Variants in SH3PXD2A observed in about 807,000 individuals in gnomAD.
SH3PXD2A encodes SH3 and PX domains 2A.
Under a neutral mutation model 115.2 loss-of-function variants are expected in SH3PXD2A, and 32 were observed. The observed-to-expected ratio is 0.28, with a 90% confidence interval of 0.21 to 0.37. The LOEUF (loss-of-function observed/expected upper bound fraction) is 0.37. Ranked by LOEUF, SH3PXD2A falls within the 10% of genes least tolerant of loss-of-function variation. SH3PXD2A has a pLI of 1.00. For missense variants in SH3PXD2A, 1,328 were observed against 1,498.7 expected (o/e 0.89, Z 1.88); for synonymous variants, 610 against 629.1 (o/e 0.97, Z 0.45).
intron 5 of SH3PXD2A, among the ~76,000 whole-genome samples, chr10:103,711,118 G>C (rs2038041708): frequency 6.6e-6 from 1 of 152,206 alleles, no homozygotes; most frequent in African/African-American, 2.4e-5. Flanking sequence ...TTACACCTGT[G>C]AGTCCAAGGC....
intron 14 of SH3PXD2A, 115 bp downstream of exon 14, chr10:103,605,682 AC>A: frequency 7.6e-7 from 1 of 1,312,204 alleles, no homozygotes; most frequent in Non-Finnish European, 1.1e-6. Context: ...TCATTTCTGT[AC>A]CTTTCCTGCC....
chr10:103,641,922 C>T (rs543392579), intron 8 of SH3PXD2A, among the ~76,000 whole-genome samples: 2 of 152,312 alleles, frequency 1.3e-5, no homozygotes, highest in African/African-American at 4.8e-5. Context: ...ACACCACACA[C>T]AACCTTTGCT....
rs1232447657 is a variant in SH3PXD2A at position 103,625,638 on chromosome 10, A to T, written c.718+1451T>A. 2.0e-5 allele frequency among the ~76,000 whole-genome samples: 3 copies of T among 152,200 alleles called. No individual in the cohort carries two copies. The East Asian group carries it at 5.8e-4, about 29-fold the overall frequency. On this transcript the variant is annotated intron_variant, in intron 9 of 14. Coordinates refer to ENST00000369774, the MANE Select transcript of SH3PXD2A (RefSeq NM_001394015.1). ...CTGGGCACTGTGGCTCATGCCTGTAATCCCAGCACTTTGGGAGGCTGAGGT... is the reference window on the plus strand; with the variant it reads ...CTGGGCACTGTGGCTCATGCCTGTATTCCCAGCACTTTGGGAGGCTGAGGT...
chr10:103,672,335 G>A (rs1161283604), intron 6 of SH3PXD2A, among the ~76,000 whole-genome samples: 1 of 152,226 alleles, frequency 6.6e-6, no homozygotes, highest in Non-Finnish European at 1.5e-5. Context: ...GTACAGTTAA[G>A]CATTTGGGCC....
rs143941309 is a variant in SH3PXD2A, at chr10:103,603,437, G to A, written c.1781C>T (p.Pro594Leu). ...GCGGGCCCGCTGCAGAGAAGAGGCC[G>A]GCGAGGGCCGGTGGGGCTGGGCAGG... ...RRPAQPHRPS[P>L]ASSLQRARFK... The change falls in exon 15 of 15, where the codon CCG becomes CTG. Residue 594 changes from proline to leucine, a missense_variant. Pro to Leu is a moderately conservative substitution (Grantham distance 98). Transcript: ENST00000369774. 292 of 1,613,450 alleles carry A rather than the reference G, an allele frequency of 1.8e-4. 1 individual carries two copies. The African/African-American group carries it at 3.1e-3, about 17-fold the overall frequency.
intron 9 of SH3PXD2A, among the ~76,000 whole-genome samples, chr10:103,623,018 G>T (rs571546067): frequency 1.7e-3 from 262 of 152,278 alleles, no homozygotes; most frequent in African/African-American, 5.2e-3. Context: ...GTGCTACCTT[G>T]GACAGGCACC....
At chr10:103,690,970 G>A (rs2037742182) in intron 6 of SH3PXD2A, among the ~76,000 whole-genome samples, 1 of 152,228 alleles carries the variant, frequency 6.6e-6, no homozygotes, top group African/African-American at 2.4e-5. Flanking sequence ...TGGCGTGAGA[G>A]TGGAAGACAG....
At chr10:103,694,282 G>A (rs1435602534) in intron 5 of SH3PXD2A, among the ~76,000 whole-genome samples, 1 of 152,000 alleles carries the variant, frequency 6.6e-6, no homozygotes, top group Non-Finnish European at 1.5e-5. Flanking sequence ...GCGGGGTTGG[G>A]GGTTTGGGGG....
chr10:103,777,983 A>G (rs2038896365), intron 2 of SH3PXD2A, among the ~76,000 whole-genome samples: 1 of 152,166 alleles, frequency 6.6e-6, no homozygotes, highest in Non-Finnish European at 1.5e-5. Flanking sequence ...CAGTCTACTC[A>G]TCTGTAAAAT....
At chr10:103,767,417 T>C (rs2038765534) in intron 2 of SH3PXD2A, among the ~76,000 whole-genome samples, 1 of 151,968 alleles carries the variant, frequency 6.6e-6, no homozygotes, top group Non-Finnish European at 1.5e-5. Context: ...CAGGGGAAGG[T>C]GTCAGGAGAT....
Position 103,668,947 on chromosome 10 carries a change from C to T in SH3PXD2A, c.428-295G>A, listed in dbSNP as rs558634275. Among the ~76,000 whole-genome samples the T allele has an allele frequency of 3.4e-3, 512 of 152,364 alleles. 4 individuals carry two copies. Among genetic ancestry groups the T allele is most frequent in the African/African-American group, 0.012 (481 of 41,594 alleles). On this transcript the variant is annotated intron_variant, in intron 6 of 14. Coordinates refer to ENST00000369774, the MANE Select transcript of SH3PXD2A (RefSeq NM_001394015.1). ...GAATCCCACACGATCCTCCCTGGAA[C>T]GGGGCCCGTGGTTATCACAGCCCTG... is the stretch of plus-strand genomic sequence containing the variant.
chr10:103,820,844 T>A (rs1211590963), intron 1 of SH3PXD2A, among the ~76,000 whole-genome samples: 1 of 152,130 alleles, frequency 6.6e-6, no homozygotes, highest in East Asian at 1.9e-4. Context: ...TTCTACCCTC[T>A]AAGTGGCATC....
chr10:103,672,473 T>C (rs1174999746), intron 6 of SH3PXD2A, among the ~76,000 whole-genome samples: 1 of 152,240 alleles, frequency 6.6e-6, no homozygotes, highest in Admixed American at 6.5e-5. Context: ...AGAAACGGAC[T>C]GTCCTTCCTG....
At chr10:103,846,158 T>G (rs967952559) in intron 1 of SH3PXD2A, among the ~76,000 whole-genome samples, 6 of 152,134 alleles carry the variant, frequency 3.9e-5, no homozygotes, top group Non-Finnish European at 8.8e-5. Flanking sequence ...CGCCCAGGCT[T>G]GGGGAGGGTG....
At chr10:103,661,243 C>A in intron 7 of SH3PXD2A, 129 bp from the exon 8 acceptor site, 1 of 1,127,062 alleles carries the variant, frequency 8.9e-7, no homozygotes, top group Non-Finnish European at 1.2e-6. Context: ...GGGCAGCCCG[C>A]AGCCGGGGCT....
intron 3 of SH3PXD2A, among the ~76,000 whole-genome samples, chr10:103,743,500 C>T (rs2038466230): frequency 6.6e-6 from 1 of 152,078 alleles, no homozygotes. Flanking sequence ...AAGTGATCCT[C>T]CCACCTCAGC....
At chr10:103,779,985 C>T (rs537043786) in intron 2 of SH3PXD2A, among the ~76,000 whole-genome samples, 9 of 152,342 alleles carry the variant, frequency 5.9e-5, no homozygotes, top group South Asian at 4.1e-4. Flanking sequence ...AACCTTTTCC[C>T]GGCTGAACCA....
chr10:103,737,437 C>T (rs1207276367), intron 3 of SH3PXD2A, among the ~76,000 whole-genome samples: 1 of 152,150 alleles, frequency 6.6e-6, no homozygotes, highest in East Asian at 1.9e-4. Flanking sequence ...AGATTATTCC[C>T]CCAGACACAG....
chr10:103,831,180 T>C (rs138905852), intron 1 of SH3PXD2A, among the ~76,000 whole-genome samples: 167 of 152,358 alleles, frequency 1.1e-3, no homozygotes, highest in African/African-American at 3.8e-3. Flanking sequence ...GTATCAGAGA[T>C]AATATTCTAC....
Sources: allele counts gnomAD v4.1 joint callset (sites outside exome capture counted in the v4.1 genomes callset), GRCh38; gene constraint gnomAD v4.1.1; transcripts MANE v1.5; gene names NCBI Gene and HGNC (gene_info 2026-07-23, HGNC 2026-07-21).